Variants in GPR176 observed in about 807,000 individuals in gnomAD.
The protein encoded by GPR176 is G-protein coupled receptor 176.
Under a neutral mutation model 35.4 loss-of-function variants are expected in GPR176, and 26 were observed. The observed-to-expected ratio is 0.74, with a 90% CI of 0.54 to 1.02. The LOEUF (loss-of-function observed/expected upper bound fraction) is 1.02, where lower values mean the gene tolerates loss of function less well. Among genes scored for constraint, GPR176 ranks in the 50% least tolerant of loss-of-function variants. GPR176 has a pLI of 0.00. For missense variants in GPR176, 597 were observed against 665.3 expected (o/e 0.90, Z 1.13); for synonymous variants, 278 against 271.3 (o/e 1.02, Z -0.24).
At chr15:39,866,863 G>C (rs1302363456) in intron 1 of GPR176, among the ~76,000 whole-genome samples, 1 of 152,110 alleles carries the variant, frequency 6.6e-6, no homozygotes, top group Non-Finnish European at 1.5e-5. Flanking sequence ...CTGTCCAAAA[G>C]TCAGATTGGA....
intron 1 of GPR176, among the ~76,000 whole-genome samples, chr15:39,893,082 G>A (rs1224090184): frequency 6.7e-6 from 1 of 150,374 alleles, no homozygotes; most frequent in African/African-American, 2.5e-5. Context: ...CGAGAATATT[G>A]ATCTCTAACT....
intron 1 of GPR176, among the ~76,000 whole-genome samples, chr15:39,850,389 T>TC (rs1480458157): frequency 6.6e-6 from 1 of 152,192 alleles, no homozygotes; most frequent in Non-Finnish European, 1.5e-5. Flanking sequence ...ACTGAATGCT[T>TC]TCTCCCCAGG....
intron 1 of GPR176, among the ~76,000 whole-genome samples, chr15:39,883,794 C>A (rs766604481): frequency 5.3e-5 from 8 of 152,112 alleles, no homozygotes; most frequent in Non-Finnish European, 1.0e-4. Context: ...CAAATGGGAT[C>A]AGCAATCTAT....
At chr15:39,814,262 T>G (rs999655348) in intron 1 of GPR176, among the ~76,000 whole-genome samples, 1 of 152,236 alleles carries the variant, frequency 6.6e-6, no homozygotes, top group African/African-American at 2.4e-5. Context: ...TTCTATTGAT[T>G]ATATCTCTTA....
At chr15:39,861,794 T>A (rs1354304428) in intron 1 of GPR176, among the ~76,000 whole-genome samples, 2 of 152,168 alleles carry the variant, frequency 1.3e-5, no homozygotes, top group Non-Finnish European at 2.9e-5. Context: ...AAATTTCTCA[T>A]CAAAATGTTA....
intron 1 of GPR176, among the ~76,000 whole-genome samples, chr15:39,914,309 CTTTT>C (rs5812146): frequency 4.2e-5 from 3 of 71,162 alleles, no homozygotes; most frequent in Non-Finnish European, 5.4e-5. Flanking sequence ...ATATCTTATT[CTTTT>C]TTTTTTTTTT....
intron 1 of GPR176, among the ~76,000 whole-genome samples, chr15:39,883,009 G>C (rs1344331142): frequency 6.6e-6 from 1 of 152,196 alleles, no homozygotes; most frequent in Non-Finnish European, 1.5e-5. Flanking sequence ...GTTGAACACT[G>C]AGAGTAAGTA....
intron 1 of GPR176, among the ~76,000 whole-genome samples, chr15:39,815,853 T>C (rs1340403413): frequency 6.6e-6 from 1 of 152,202 alleles, no homozygotes; most frequent in Admixed American, 6.5e-5. Flanking sequence ...CACTCCCATG[T>C]CCATTGCAGC....
At chr15:39,895,864 C>T (rs560246962) in intron 1 of GPR176, among the ~76,000 whole-genome samples, 22 of 152,254 alleles carry the variant, frequency 1.4e-4, no homozygotes, top group African/African-American at 4.6e-4. Flanking sequence ...CTTTACTCTT[C>T]CACAATTATT....
chr15:39,825,800 G>A (rs555210265), intron 1 of GPR176, among the ~76,000 whole-genome samples: 43 of 152,328 alleles, frequency 2.8e-4, no homozygotes, highest in Admixed American at 1.6e-3. Flanking sequence ...ATCAGTGGAT[G>A]AGAAGCTTGG....
At chr15:39,880,116 T>C (rs551601305) in intron 1 of GPR176, among the ~76,000 whole-genome samples, 1 of 152,344 alleles carries the variant, frequency 6.6e-6, no homozygotes, top group East Asian at 1.9e-4. Context: ...CTTCAACTCC[T>C]GGCACAGTGG....
chr15:39,817,480 A>G (rs890406608), intron 1 of GPR176, among the ~76,000 whole-genome samples: 5 of 152,244 alleles, frequency 3.3e-5, no homozygotes, highest in African/African-American at 1.2e-4. Context: ...ATGGTTCCCT[A>G]CTGCCGTTAA....
intron 1 of GPR176, among the ~76,000 whole-genome samples, chr15:39,917,877 T>A (rs1261055326): frequency 2.0e-5 from 3 of 151,712 alleles, no homozygotes; most frequent in Non-Finnish European, 4.4e-5. Context: ...AAACCCCGTC[T>A]CTACTAAAAA....
chr15:39,898,259 G>T (rs1185763753), intron 1 of GPR176, among the ~76,000 whole-genome samples: 2 of 150,988 alleles, frequency 1.3e-5, no homozygotes, highest in African/African-American at 4.9e-5. Flanking sequence ...TTTCAAACAA[G>T]ATTTACGGTG....
Position 39,861,679 on chromosome 15 carries a change from A to T in GPR176, c.173-54421T>A, listed in dbSNP as rs115434372. Among the ~76,000 whole-genome samples, 865 of 152,262 alleles carry T rather than the reference A, an allele frequency of 5.7e-3. 12 individuals are homozygous for T. The highest frequency in any genetic ancestry group is 0.02 in the African/African-American group (821 of 41,544). Reference sequence around the variant, plus strand: ...TCTCCATTTAATATTCTGTACTCTTAAAGAGTGACATAAACAGTGTGCCCA... The same window carrying T: ...TCTCCATTTAATATTCTGTACTCTTTAAGAGTGACATAAACAGTGTGCCCA... On this transcript the variant is annotated intron_variant, in intron 1 of 2. Transcript: ENST00000561100.
intron 1 of GPR176, among the ~76,000 whole-genome samples, chr15:39,851,943 TA>T (rs1442050840): frequency 6.6e-6 from 1 of 152,176 alleles, no homozygotes; most frequent in Non-Finnish European, 1.5e-5. Flanking sequence ...CCTTGGCTGC[TA>T]TCAGCTCCTG....
intron 1 of GPR176, chr15:39,894,424 C>T (rs1235028149): frequency 1.2e-5 from 2 of 161,050 alleles, no homozygotes; most frequent in South Asian, 1.8e-4. Flanking sequence ...ACTTCCCAGA[C>T]GGGGCGGCTG....
chr15:39,903,440 TA>T (rs1363597866), intron 1 of GPR176, among the ~76,000 whole-genome samples: 1 of 152,144 alleles, frequency 6.6e-6, no homozygotes, highest in Non-Finnish European at 1.5e-5. Flanking sequence ...AAGCTCTCTT[TA>T]AAAATCCATA....
chr15:39,869,494 A>G (rs556829787), intron 1 of GPR176, among the ~76,000 whole-genome samples: 2 of 152,238 alleles, frequency 1.3e-5, no homozygotes, highest in African/African-American at 2.4e-5. Flanking sequence ...TGAGCCATCA[A>G]TCCTCCCAGA....
Sources: gnomAD v4.1 joint callset for allele counts (sites outside exome capture counted in the v4.1 genomes callset) on GRCh38, gnomAD v4.1.1 for gene constraint, MANE v1.5 for transcripts, NCBI Gene and HGNC (gene_info 2026-07-23, HGNC 2026-07-21) for gene names.